The following SLC4A8 variants were observed in gnomAD, a reference collection of about 807,000 sequenced individuals.
SLC4A8 encodes solute carrier family 4 member 8, also known as electroneutral sodium bicarbonate exchanger 1.
In SLC4A8, 40 loss-of-function variants were observed where a neutral mutation model predicts 125.0. The observed-to-expected ratio is 0.32, with a 90% CI of 0.25 to 0.42. The LOEUF is 0.42. SLC4A8 is among the 10% of genes least tolerant of loss of function. The pLI, the probability that SLC4A8 is intolerant of heterozygous loss-of-function variation, is 1.00. For synonymous variants in SLC4A8, 456 were observed against 476.0 expected (o/e 0.96, Z 0.55); for missense variants, 863 against 1,355.1 (o/e 0.64, Z 5.70).
chr12:51,459,848 G>A (rs1203784864), intron 7 of SLC4A8, 103 bp from the exon 8 acceptor site: 1 of 944,986 alleles, frequency 1.1e-6, no homozygotes, highest in African/African-American at 1.7e-5. Flanking sequence ...CAGAGTGGGT[G>A]ATGTAGTGAG....
At chr12:51,454,422 T>TG in intron 5 of SLC4A8, among the ~76,000 whole-genome samples, 1 of 144,226 alleles carries the variant, frequency 6.9e-6, no homozygotes, top group Non-Finnish European at 1.5e-5. Context: ...GTTCAGCATA[T>TG]GGAGGAGCCC....
rs1951227848 is a variant in SLC4A8, at chr12:51,488,821, C to T, written c.2409C>T (p.Ile803=). The part of the protein sequence containing the change: ...CTILIFMDQQ[I]TAVIINRKEH... ...TCTTGATATTCATGGATCAGCAGAT[C>T]ACAGCCGTCATTATTAACAGGAAGG... The change falls in exon 18 of 25, where the codon ATC becomes ATT. Residue 803 remains isoleucine (I), a synonymous_variant. Coordinates refer to ENST00000453097, the MANE Select transcript of SLC4A8 (RefSeq NM_001039960.3). 2 of 1,613,592 alleles carry T rather than the reference C, an allele frequency of 1.2e-6. No homozygotes were observed. Among genetic ancestry groups the T allele is most frequent in the Non-Finnish European group, 1.7e-6 (2 of 1,179,750 alleles).
rs377045520 is a variant in SLC4A8, at chr12:51,453,526, G to A, written c.414-13G>A. The A allele has an allele frequency of 1.2e-4, 190 of 1,611,110 alleles. 1 individual carries two copies. The highest frequency in any genetic ancestry group is 1.6e-4 in the Non-Finnish European group (183 of 1,178,404). On this transcript the variant is annotated splice_polypyrimidine_tract_variant and intron_variant, in intron 4 of 24. Coordinates refer to ENST00000453097, the MANE Select transcript of SLC4A8 (RefSeq NM_001039960.3). ...TTCTATCTTTGGCATCTAGTTATTT[G>A]TAATGCTTTCAGGTGGCTGAAGTTT...
At chr12:51,401,221 G>A (rs1226766173) in intron 1 of SLC4A8, among the ~76,000 whole-genome samples, 1 of 152,198 alleles carries the variant, frequency 6.6e-6, no homozygotes, top group African/African-American at 2.4e-5. Flanking sequence ...TTTGCCGTCT[G>A]TAGGCGGCTG....
chr12:51,459,617 C>G (rs1454038491), intron 7 of SLC4A8, among the ~76,000 whole-genome samples: 1 of 152,152 alleles, frequency 6.6e-6, no homozygotes, highest in African/African-American at 2.4e-5. Flanking sequence ...CGCCTGTAAT[C>G]TCAGCACTTT....
At chr12:51,460,156 A>T in intron 8 of SLC4A8, 48 bp downstream of exon 8, 1 of 1,447,150 alleles carries the variant, frequency 6.9e-7, no homozygotes, top group Non-Finnish European at 9.7e-7. Flanking sequence ...ATTCAAATTT[A>T]TGTAGTGCTG....
At chr12:51,425,071 CG>C (rs1411241741) in intron 1 of SLC4A8, 36 bp downstream of exon 1, 18 of 1,541,102 alleles carry the variant, frequency 1.2e-5, no homozygotes, top group Non-Finnish European at 1.6e-5. Flanking sequence ...CGCTCCTCCC[CG>C]GGGCGCAGCC....
intron 16 of SLC4A8, among the ~76,000 whole-genome samples, chr12:51,476,826 G>T (rs1655545255): frequency 6.6e-6 from 1 of 151,482 alleles, no homozygotes; most frequent in Non-Finnish European, 1.5e-5. Context: ...ATTATTTACG[G>T]CATTTTTTTT....
chr12:51,447,714 C>CTTT lies in SLC4A8; in HGVS notation c.131-3144_131-3142dup, dbSNP rs1239053396. ...TCTCTGTGAGCATGTGGGATTTCCA[C>CTTT]TTTTTTTTTTTTTTTTTTTTGAGTC... is the stretch of plus-strand genomic sequence containing the variant. On this transcript the variant is annotated intron_variant, in intron 2 of 24. Transcript: ENST00000453097. Among the ~76,000 whole-genome samples the CTTT allele has an allele frequency of 7.2e-4, 91 of 125,678 alleles. 1 individual carries two copies. Among genetic ancestry groups the CTTT allele is most frequent in the South Asian group, 6.5e-3 (24 of 3,672 alleles). 82.4% of individuals were successfully genotyped at this position (125,678 alleles called of 152,430 possible). A position where few individuals can be genotyped will look rare whatever the true frequency, so the allele number is the denominator to read the frequency against.
At chr12:51,393,118 T>C (rs1428586752) in intron 1 of SLC4A8, among the ~76,000 whole-genome samples, 1 of 152,030 alleles carries the variant, frequency 6.6e-6, no homozygotes, top group African/African-American at 2.4e-5. Flanking sequence ...TCTTTTTCTC[T>C]TTCTTTCTCT....
rs559995208 is a variant in SLC4A8, at chr12:51,444,089, C to T, written c.130+3300C>T. Among the ~76,000 whole-genome samples the T allele has an allele frequency of 1.5e-3, 226 of 152,028 alleles. 1 individual carries two copies. The highest frequency in any genetic ancestry group is 5.1e-3 in the African/African-American group (210 of 41,478). ...TGACCTTTTTTGGAAAAAAGAATGA[C>T]GAGTTAGATGGGAAAAAAATGGGAT... On this transcript the variant is annotated intron_variant, in intron 2 of 24. Transcript: ENST00000453097.
intron 16 of SLC4A8, among the ~76,000 whole-genome samples, chr12:51,481,773 T>C (rs1951034023): frequency 1.3e-5 from 2 of 151,564 alleles, no homozygotes; most frequent in South Asian, 4.2e-4. Context: ...CAAAACCCTA[T>C]CTCTACAAAG....
intron 19 of SLC4A8, 122 bp downstream of exon 19, chr12:51,490,073 GT>G: frequency 1.1e-6 from 1 of 887,168 alleles, no homozygotes; most frequent in South Asian, 1.6e-5. Context: ...CCCTGAAAGA[GT>G]TTATTCTAGA....
chr12:51,392,571 CAAA>C (rs35992841), intron 1 of SLC4A8, among the ~76,000 whole-genome samples: 34 of 119,210 alleles, frequency 2.9e-4, no homozygotes, highest in Admixed American at 1.7e-3. Context: ...GATTCCGTAT[CAAA>C]AAAAAAAAAA....
At chr12:51,432,410 CAAA>C (rs33965654) in intron 1 of SLC4A8, among the ~76,000 whole-genome samples, 7 of 92,038 alleles carry the variant, frequency 7.6e-5, no homozygotes, top group Non-Finnish European at 8.0e-5. Context: ...GACTCCGCCT[CAAA>C]AAAAAAAAAA....
At chr12:51,488,028 A>T (rs17300217) in intron 17 of SLC4A8, among the ~76,000 whole-genome samples, 4,457 of 152,314 alleles carry the variant, frequency 0.029, 102 homozygotes, top group Non-Finnish European at 0.044. Flanking sequence ...GTTGAGATAC[A>T]CTTGTTTTCT....
chr12:51,462,036 G>A (rs1950341971), intron 9 of SLC4A8: 1 of 303,236 alleles, frequency 3.3e-6, no homozygotes, highest in Non-Finnish European at 6.1e-6. Flanking sequence ...CATCCTTTGT[G>A]GAGATAACAT....
chr12:51,397,634 C>G (rs1295297493), intron 1 of SLC4A8, among the ~76,000 whole-genome samples: 1 of 151,984 alleles, frequency 6.6e-6, no homozygotes, highest in Non-Finnish European at 1.5e-5. Flanking sequence ...TAGAGATAAC[C>G]AATGTTGCTA....
intron 14 of SLC4A8, among the ~76,000 whole-genome samples, chr12:51,472,991 A>G (rs7132861): frequency 0.012 from 1,791 of 152,184 alleles, 34 homozygotes; most frequent in African/African-American, 0.04. Context: ...GTCTCCCCCA[A>G]TATCAATATC....
Sources: gnomAD v4.1 joint callset for allele counts (sites outside exome capture counted in the v4.1 genomes callset) on GRCh38, gnomAD v4.1.1 for gene constraint, MANE v1.5 for transcripts, NCBI Gene and HGNC (gene_info 2026-07-23, HGNC 2026-07-21) for gene names.